The following OSBPL10 variants were observed in gnomAD, a reference collection of about 807,000 sequenced individuals.
OSBPL10 encodes oxysterol binding protein like 10.
In OSBPL10, 49 loss-of-function variants were observed where a neutral mutation model predicts 81.7. That is an observed-to-expected ratio of 0.60 (90% confidence interval 0.48 to 0.76). The LOEUF is 0.76. Ranked by LOEUF, OSBPL10 falls within the 30% of genes least tolerant of loss-of-function variation. The pLI is 0.00. For missense variants in OSBPL10, 923 were observed against 987.8 expected (o/e 0.93, Z 0.88); for synonymous variants, 419 against 383.6 (o/e 1.09, Z -1.08).
At chr3:31,750,838 A>G (rs1202893181) in intron 4 of OSBPL10, among the ~76,000 whole-genome samples, 1 of 152,198 alleles carries the variant, frequency 6.6e-6, no homozygotes, top group African/African-American at 2.4e-5. Context: ...CTCATTTCTA[A>G]TCAACAAAAA....
chr3:31,942,228 T>G (rs1240107693), intron 1 of OSBPL10, among the ~76,000 whole-genome samples: 7 of 152,058 alleles, frequency 4.6e-5, no homozygotes, highest in Admixed American at 1.3e-4. Context: ...TGAGCCGAGA[T>G]GGCGCCACAA....
chr3:31,863,462 G>A lies in OSBPL10; in HGVS notation c.537+12971C>T, dbSNP rs369117192. Among the ~76,000 whole-genome samples, 23 of 152,260 alleles carry A rather than the reference G, an allele frequency of 1.5e-4. 1 individual carries two copies. The South Asian group carries it at 3.9e-3, about 26-fold the overall frequency. The stretch of plus-strand genomic sequence containing the variant: ...AATTATATCTTAAATTTTAAGAAAC[G>A]ATAAGAGCCACTTGTTAGCTATGCC... On this transcript the variant is annotated intron_variant, in intron 3 of 11. Transcript: ENST00000396556.
At chr3:31,946,553 G>A (rs982683726) in intron 1 of OSBPL10, among the ~76,000 whole-genome samples, 4 of 152,164 alleles carry the variant, frequency 2.6e-5, no homozygotes, top group African/African-American at 4.8e-5. Context: ...GGCAGATGGC[G>A]GACAGCGTGT....
At chr3:31,839,504 A>G (rs572064914) in intron 3 of OSBPL10, among the ~76,000 whole-genome samples, 94 of 151,942 alleles carry the variant, frequency 6.2e-4, no homozygotes, top group African/African-American at 2.0e-3. Flanking sequence ...AATATGAAGC[A>G]GGGATAGAAA....
In OSBPL10 at chr3:31,771,813, T is replaced by C. The variant is rs74807258; in HGVS notation, c.730-23693A>G. Reference sequence around the variant, plus strand: ...ATTTTGAGTTGGTCTGACGATATTTTCCCGGCCTTCTCCCTATAACCCGTT... The same window carrying C: ...ATTTTGAGTTGGTCTGACGATATTTCCCCGGCCTTCTCCCTATAACCCGTT... On this transcript the variant is annotated intron_variant, in intron 4 of 11. Transcript: ENST00000396556. 8.5e-4 allele frequency among the ~76,000 whole-genome samples: 130 copies of C among 152,314 alleles called. 1 individual carries two copies. The highest frequency in any genetic ancestry group is 3.4e-3 in the Middle Eastern group (1 of 294).
At chr3:31,874,524 G>GA (rs1234554962) in intron 3 of OSBPL10, among the ~76,000 whole-genome samples, 4 of 151,986 alleles carry the variant, frequency 2.6e-5, no homozygotes, top group South Asian at 2.1e-4. Flanking sequence ...AAATCAAGAG[G>GA]AAAAAATGAG....
At chr3:32,002,050 A>T (rs1699154563) in intron 2 of OSBPL10, among the ~76,000 whole-genome samples, 1 of 152,156 alleles carries the variant, frequency 6.6e-6, no homozygotes, top group African/African-American at 2.4e-5. Context: ...CCCAGCTCTG[A>T]CTCCAGATTC....
chr3:32,006,453 A>G (rs17028734), intron 2 of OSBPL10, among the ~76,000 whole-genome samples: 12,375 of 152,288 alleles, frequency 0.081, 1,340 homozygotes, highest in African/African-American at 0.25. Context: ...ATCGTGGTCT[A>G]ATATAATCCA....
At chr3:32,030,352 C>T (rs1277270220) in intron 2 of OSBPL10, 17 of 529,646 alleles carry the variant, frequency 3.2e-5, no homozygotes, top group Non-Finnish European at 4.2e-5. Flanking sequence ...AAAAGGAATG[C>T]CCCACAAGAG....
At chr3:31,977,722 T>C (rs755900618) in intron 1 of OSBPL10, among the ~76,000 whole-genome samples, 2 of 152,232 alleles carry the variant, frequency 1.3e-5, no homozygotes, top group African/African-American at 2.4e-5. Context: ...GGATTTTTTA[T>C]TGTTGTTCAT....
intron 7 of OSBPL10, among the ~76,000 whole-genome samples, chr3:31,695,056 A>G (rs1695671912): frequency 6.6e-6 from 1 of 152,186 alleles, no homozygotes; most frequent in Non-Finnish European, 1.5e-5. Flanking sequence ...GCCTCAAAGC[A>G]TGAATCTTGT....
intron 4 of OSBPL10, among the ~76,000 whole-genome samples, chr3:31,800,575 ACT>A (rs1404578238): frequency 2.0e-5 from 3 of 152,096 alleles, no homozygotes; most frequent in Non-Finnish European, 2.9e-5. Context: ...TCAAAACCAC[ACT>A]CTCTCACTGA....
chr3:31,720,617 G>C (rs544236682), intron 6 of OSBPL10, among the ~76,000 whole-genome samples: 1 of 152,084 alleles, frequency 6.6e-6, no homozygotes, highest in African/African-American at 2.4e-5. Context: ...GCCCAGAGAC[G>C]GCCAGGCGTG....
At chr3:31,877,528 T>A (rs1463108655) in intron 2 of OSBPL10, among the ~76,000 whole-genome samples, 1 of 151,420 alleles carries the variant, frequency 6.6e-6, no homozygotes, top group African/African-American at 2.4e-5. Flanking sequence ...TTTAATCACA[T>A]AAATAACTGC....
chr3:31,962,576 CAGG>C (rs1698200099), intron 1 of OSBPL10, among the ~76,000 whole-genome samples: 1 of 151,940 alleles, frequency 6.6e-6, no homozygotes, highest in Non-Finnish European at 1.5e-5. Context: ...GGAACCAGCA[CAGG>C]AGAAGTGCCA....
At chr3:31,711,404 T>A (rs994932040) in intron 6 of OSBPL10, among the ~76,000 whole-genome samples, 2 of 152,228 alleles carry the variant, frequency 1.3e-5, no homozygotes, top group African/African-American at 4.8e-5. Flanking sequence ...GCAGTGGCCA[T>A]GTGGTTGTCA....
intron 1 of OSBPL10, among the ~76,000 whole-genome samples, chr3:32,047,580 G>A (rs1021461943): frequency 6.6e-6 from 1 of 152,092 alleles, no homozygotes; most frequent in African/African-American, 2.4e-5. Context: ...ATAATGAGAA[G>A]TGAGGACAGC....
chr3:31,730,268 G>C (rs1696932009), intron 6 of OSBPL10, among the ~76,000 whole-genome samples: 1 of 151,912 alleles, frequency 6.6e-6, no homozygotes, highest in Non-Finnish European at 1.5e-5. Flanking sequence ...TTGAACCCGG[G>C]AGGCGGAGGT....
intron 4 of OSBPL10, among the ~76,000 whole-genome samples, chr3:31,774,032 C>T (rs75404002): frequency 1.4e-4 from 21 of 151,908 alleles, no homozygotes; most frequent in Non-Finnish European, 2.1e-4. Context: ...CGTGGTGGCA[C>T]GCGCCTGTAA....
Sources: allele counts gnomAD v4.1 joint callset (sites outside exome capture counted in the v4.1 genomes callset), GRCh38; gene constraint gnomAD v4.1.1; transcripts MANE v1.5; gene names NCBI Gene and HGNC (gene_info 2026-07-23, HGNC 2026-07-21).